NFIC: variants seen among roughly 807,000 people sequenced by gnomAD.
NFIC encodes nuclear factor I C, also known as nuclear factor 1 C-type.
Under a neutral mutation model 54.4 loss-of-function variants are expected in NFIC, and 12 were observed. The observed-to-expected ratio is 0.22, with a 90% CI of 0.14 to 0.36. NFIC has a LOEUF of 0.36. Among genes scored for constraint, NFIC ranks in the 10% least tolerant of loss-of-function variants. NFIC has a pLI of 1.00. For synonymous variants in NFIC, 322 were observed against 319.2 expected (o/e 1.01, Z -0.09); for missense variants, 575 against 718.2 (o/e 0.80, Z 2.28).
chr19:3,442,792 C>T (rs986571236), intron 6 of NFIC, among the ~76,000 whole-genome samples: 1 of 152,116 alleles, frequency 6.6e-6, no homozygotes, highest in African/African-American at 2.4e-5. Flanking sequence ...GGCTCTATGG[C>T]CTTAGGCGAG....
At chr19:3,413,969 G>A (rs1334904296) in intron 2 of NFIC, among the ~76,000 whole-genome samples, 3 of 152,024 alleles carry the variant, frequency 2.0e-5, no homozygotes, top group East Asian at 1.9e-4. Flanking sequence ...TTCCTGTCAC[G>A]TTCCCATTAG....
Position 3,464,462 on chromosome 19 carries a change from A to C in NFIC, c.*1693A>C. The C allele has an allele frequency of 2.1e-6, 2 of 970,144 alleles. No homozygotes were observed. Among genetic ancestry groups the C allele is most frequent in the Non-Finnish European group, 2.4e-6 (2 of 826,602 alleles). The allele number at this position is 970,144 out of a possible 1,614,324, so 60.1% of individuals were successfully genotyped here. ...ACCCCAGGATCGCCATCTTTAGGGG[A>C]GGCCTGGGAGGGGGTGTTAGGTGTT... On this transcript the variant is annotated 3_prime_UTR_variant, in exon 11 of 11. Coordinates refer to ENST00000443272, the MANE Select transcript of NFIC (RefSeq NM_001245002.2).
At position 3,465,300 on chromosome 19, in the gene NFIC, C is replaced by T. The variant is rs2082702412; in HGVS notation, c.*2531C>T. On this transcript the variant is annotated 3_prime_UTR_variant, in exon 11 of 11. Transcript: ENST00000443272. ...AAACAATATCAGCGCACACACATAG[C>T]TGCATGTTCTGCTCGTGTAGTTTAA... 6.7e-6 allele frequency: 1 copy of T among 149,182 alleles called. No homozygotes were observed. The highest frequency in any genetic ancestry group is 1.5e-5 in the Non-Finnish European group (1 of 67,514). 9.2% of individuals were successfully genotyped at this position (149,182 alleles called of 1,614,324 possible).
intron 9 of NFIC, 103 bp from the exon 10 acceptor site, chr19:3,456,447 C>A: frequency 1.8e-6 from 2 of 1,128,766 alleles, no homozygotes; most frequent in Non-Finnish European, 2.6e-6. Context: ...TGCAGAGGCC[C>A]GGCTGTGTGA....
intron 1 of NFIC, among the ~76,000 whole-genome samples, chr19:3,379,673 CTTTTTT>C (rs370082450): frequency 0.011 from 1,116 of 102,536 alleles, 8 homozygotes; most frequent in Non-Finnish European, 0.016. Context: ...TTATTTCTTT[CTTTTTT>C]TTTTTTTTTT....
chr19:3,459,740 G>A lies in NFIC; in HGVS notation c.1510-3012G>A, dbSNP rs762063200. On this transcript the variant is annotated intron_variant, in intron 10 of 10. Coordinates refer to ENST00000443272, the MANE Select transcript of NFIC (RefSeq NM_001245002.2). The surrounding 1 kb of genome is among the most constrained non-coding windows in gnomAD (Gnocchi z 4.2). ...GGGAGGGTCACGCCCAGAGTCTGTCGGTTGCCAACAGAAACCAGACATGAG... is the reference window on the plus strand; with the variant it reads ...GGGAGGGTCACGCCCAGAGTCTGTCAGTTGCCAACAGAAACCAGACATGAG... Among the ~76,000 whole-genome samples, 11 of 152,230 alleles carry A rather than the reference G, an allele frequency of 7.2e-5. No individual in the cohort carries two copies. Among genetic ancestry groups the A allele is most frequent in the East Asian group, 1.9e-4 (1 of 5,196 alleles).
At chr19:3,405,950 C>T (rs2081642857) in intron 2 of NFIC, among the ~76,000 whole-genome samples, 1 of 151,996 alleles carries the variant, frequency 6.6e-6, no homozygotes, top group South Asian at 2.1e-4. Context: ...CAGAGTCCTC[C>T]TGCTCTGTCA....
rs562395291 is a variant in NFIC, at chr19:3,463,960, C to A, written c.*1191C>A. 2.0e-6 allele frequency: 2 copies of A among 985,198 alleles called. No homozygotes were observed. The highest frequency in any genetic ancestry group is 3.5e-5 in the African/African-American group (2 of 57,264). 61.0% of individuals were successfully genotyped at this position (985,198 alleles called of 1,614,324 possible). A position where few individuals can be genotyped will look rare whatever the true frequency, so the allele number is the denominator to read the frequency against. On this transcript the variant is annotated 3_prime_UTR_variant, in exon 11 of 11. Coordinates refer to ENST00000443272, the MANE Select transcript of NFIC (RefSeq NM_001245002.2). ...TCCAGTCAACCCTCATCGCCGTGCCCCCCCAGAGCTAGAGAGATGGGGCCC... is the reference window on the plus strand; with the variant it reads ...TCCAGTCAACCCTCATCGCCGTGCCACCCCAGAGCTAGAGAGATGGGGCCC...
chr19:3,454,498 C>G (rs950540763), intron 9 of NFIC: 2 of 154,820 alleles, frequency 1.3e-5, no homozygotes, highest in African/African-American at 2.4e-5. Flanking sequence ...GCTGCTGCAC[C>G]TTCTAGATTT....
At position 3,464,772 on chromosome 19, in the gene NFIC, TCCTCTGGCCTCGAGCCCTTGGTC is replaced by T; in HGVS notation, c.*2008_*2030del. 7.3e-5 allele frequency: 68 copies of T among 936,902 alleles called. No individual in the cohort carries two copies. The highest frequency in any genetic ancestry group is 8.5e-5 in the Non-Finnish European group (67 of 785,916). The allele number at this position is 936,902 out of a possible 1,614,324, so 58.0% of individuals were successfully genotyped here. ...CATCACCCCCAAGAGAGGTTCGCCATCCTCTGGCCTCGAGCCCTTGGTCCCTCCGTCCGTCTGTCCTCGGGGCC... is the reference window on the plus strand; with the variant it reads ...CATCACCCCCAAGAGAGGTTCGCCATCCTCCGTCCGTCTGTCCTCGGGGCC... On this transcript the variant is annotated 3_prime_UTR_variant, in exon 11 of 11. Transcript: ENST00000443272.
At chr19:3,440,874 C>T (rs1370347791) in intron 6 of NFIC, among the ~76,000 whole-genome samples, 1 of 152,182 alleles carries the variant, frequency 6.6e-6, no homozygotes, top group Non-Finnish European at 1.5e-5. Flanking sequence ...CTCTGTCGCC[C>T]AGGATGGAGT....
rs549247455 is a variant in NFIC, at chr19:3,439,518, T to C, written c.958+4311T>C. 2.3e-3 allele frequency among the ~76,000 whole-genome samples: 349 copies of C among 149,900 alleles called. 1 individual carries two copies. Among genetic ancestry groups the C allele is most frequent in the African/African-American group, 8.3e-3 (339 of 41,078 alleles). ...TTAGCCGGGTGTGGTGGTGGGCACC[T>C]GTAATCCCAGCTACTCGGGAGGCTG... On this transcript the variant is annotated intron_variant, in intron 6 of 10. Coordinates refer to ENST00000443272, the MANE Select transcript of NFIC (RefSeq NM_001245002.2).
At chr19:3,416,511 C>CATTATT (rs199580385) in intron 2 of NFIC, among the ~76,000 whole-genome samples, 63 of 149,662 alleles carry the variant, frequency 4.2e-4, no homozygotes, top group Admixed American at 1.1e-3. Context: ...TATGTCTGTA[C>CATTATT]ATTATTATTA....
chr19:3,372,598 G>T (rs1441337089), intron 1 of NFIC, among the ~76,000 whole-genome samples: 1 of 152,006 alleles, frequency 6.6e-6, no homozygotes, highest in Non-Finnish European at 1.5e-5. Flanking sequence ...CGACCTCGGG[G>T]ATCAAACAAG....
chr19:3,383,486 G>A (rs1273360604), intron 2 of NFIC, among the ~76,000 whole-genome samples: 1 of 152,196 alleles, frequency 6.6e-6, no homozygotes, highest in African/African-American at 2.4e-5. Flanking sequence ...TCTTGGCTGC[G>A]TGGCCCTCTT....
In NFIC at chr19:3,468,564, G is replaced by A. The variant is rs559220571; in HGVS notation, c.*5795G>A. On this transcript the variant is annotated 3_prime_UTR_variant, in exon 11 of 11. Coordinates refer to ENST00000443272, the MANE Select transcript of NFIC (RefSeq NM_001245002.2). ...GCTCCAGGGGGACAGGATGGGGCAG[G>A]GCATACAGTGGGGGGTGGGGGGGCA... 74 of 152,204 alleles carry A rather than the reference G, an allele frequency of 4.9e-4. No individual in the cohort carries two copies. The highest frequency in any genetic ancestry group is 1.7e-3 in the African/African-American group (69 of 41,516). The allele number at this position is 152,204 out of a possible 1,614,324, so 9.4% of individuals were successfully genotyped here.
intron 3 of NFIC, among the ~76,000 whole-genome samples, chr19:3,429,209 T>C (rs1408113172): frequency 9.7e-6 from 1 of 103,362 alleles, no homozygotes; most frequent in African/African-American, 4.0e-5. Flanking sequence ...CTGGGTAATA[T>C]AGCAAGACCC....
chr19:3,444,995 G>A (rs569673758), intron 6 of NFIC, among the ~76,000 whole-genome samples: 5 of 152,040 alleles, frequency 3.3e-5, no homozygotes, highest in Middle Eastern at 3.4e-3. Context: ...ACGCATGTGC[G>A]CATTCACACA....
intron 2 of NFIC, among the ~76,000 whole-genome samples, chr19:3,408,581 A>G (rs1174361808): frequency 6.6e-6 from 1 of 152,094 alleles, no homozygotes; most frequent in Non-Finnish European, 1.5e-5. Flanking sequence ...ATCTGGGACC[A>G]CACATGCAGC....
Sources: allele counts gnomAD v4.1 joint callset (sites outside exome capture counted in the v4.1 genomes callset), GRCh38; gene constraint gnomAD v4.1.1; non-coding constraint Gnocchi (gnomAD v3.1); transcripts MANE v1.5; gene names NCBI Gene and HGNC (gene_info 2026-07-23, HGNC 2026-07-21).